The following BMS1 variants were observed in gnomAD, a reference collection of about 807,000 sequenced individuals.
BMS1 encodes the protein ribosome biogenesis protein BMS1 homolog.
Under a neutral mutation model 138.7 loss-of-function variants are expected in BMS1, and 53 were observed. That is an observed-to-expected ratio of 0.38 (90% CI 0.31 to 0.48). BMS1 has a LOEUF of 0.48. Ranked by LOEUF, BMS1 falls within the 20% of genes least tolerant of loss-of-function variation. The pLI is 0.97. For synonymous variants in BMS1, 504 were observed against 539.9 expected, an observed-to-expected ratio of 0.93 and a Z score of 0.92; for missense variants, 1,360 against 1,565.5, an observed-to-expected ratio of 0.87 and a Z score of 2.22.
At chr10:42,808,724 A>G (rs1326219293) in intron 13 of BMS1, among the ~76,000 whole-genome samples, 3 of 152,176 alleles carry the variant, frequency 2.0e-5, no homozygotes, top group Admixed American at 1.3e-4. Context: ...CTCAAGGTTT[A>G]TATTTTCGCC....
intron 3 of BMS1, among the ~76,000 whole-genome samples, chr10:42,786,344 T>C (rs1841329125): frequency 6.6e-6 from 1 of 152,218 alleles, no homozygotes; most frequent in Admixed American, 6.5e-5. Flanking sequence ...AGAATGGCAA[T>C]GTACACTCTG....
intron 9 of BMS1, among the ~76,000 whole-genome samples, chr10:42,794,707 C>T (rs183641991): frequency 1.3e-5 from 2 of 151,656 alleles, no homozygotes; most frequent in East Asian, 3.9e-4. Flanking sequence ...AGAATACTCT[C>T]CTCTAATATA....
At chr10:42,790,854 A>G (rs1157668404) in intron 5 of BMS1, among the ~76,000 whole-genome samples, 1 of 152,162 alleles carries the variant, frequency 6.6e-6, no homozygotes, top group Non-Finnish European at 1.5e-5. Context: ...TTGTCTCAAA[A>G]AAAAAAAATA....
chr10:42,825,432 A>G (rs1842610131), intron 21 of BMS1, among the ~76,000 whole-genome samples: 1 of 152,248 alleles, frequency 6.6e-6, no homozygotes, highest in Non-Finnish European at 1.5e-5. Context: ...ATCCATAAAC[A>G]TAGGATGTCT....
At chr10:42,819,699 A>C (rs1054865906) in intron 15 of BMS1, among the ~76,000 whole-genome samples, 8 of 152,220 alleles carry the variant, frequency 5.3e-5, no homozygotes, top group Non-Finnish European at 1.2e-4. Context: ...CTCCACAGTT[A>C]TCTACATTTG....
Position 42,820,616 on chromosome 10 carries a change from G to A in BMS1, c.2878G>A (p.Glu960Lys), listed in dbSNP as rs1409791902. The A allele has an allele frequency of 4.3e-6, 7 of 1,611,828 alleles. No homozygotes were observed. Among genetic ancestry groups the A allele is most frequent in the East Asian group, 2.2e-5 (1 of 44,882 alleles). Residue 960 changes from glutamate (E) to lysine (K), a missense_variant, in exon 17 of 23, where the codon GAA becomes AAA. This residue lies in a region of BMS1 where 425 missense variants were observed against 568.3 expected (regional missense o/e 0.75). Coordinates refer to ENST00000374518, the MANE Select transcript of BMS1 (RefSeq NM_014753.4). ...TCAGACCATCCCACTGTATTATATCGAAGACCACAATGGAAGACAAAGGCT... is the reference window on the plus strand; with the variant it reads ...TCAGACCATCCCACTGTATTATATCAAAGACCACAATGGAAGACAAAGGCT... ...RFQTIPLYYI[E>K]DHNGRQRLLK... is the part of the protein sequence containing the mutation.
intron 1 of BMS1, among the ~76,000 whole-genome samples, chr10:42,783,928 G>A (rs1564405442): frequency 6.6e-6 from 1 of 152,164 alleles, no homozygotes. Flanking sequence ...GTTGATACCT[G>A]GGTCTGAGCT....
chr10:42,812,601 A>G, intron 13 of BMS1, among the ~76,000 whole-genome samples: 1 of 152,276 alleles, frequency 6.6e-6, no homozygotes, highest in East Asian at 1.9e-4. Flanking sequence ...GCTGAACACG[A>G]CACCTGGCGT....
At position 42,800,929 on chromosome 10, in the gene BMS1, G is replaced by T. The variant is rs114958945; in HGVS notation, c.2248-1208G>T. ...GATATAAATGTAGTTGATGTGCCTT[G>T]TGCTCCTGCACCTGTTATCCCTTAT... On this transcript the variant is annotated intron_variant, in intron 12 of 22. Coordinates refer to ENST00000374518, the MANE Select transcript of BMS1 (RefSeq NM_014753.4). Among the ~76,000 whole-genome samples, 1,115 of 152,248 alleles carry T rather than the reference G, an allele frequency of 7.3e-3. 9 individuals carry two copies. The highest frequency in any genetic ancestry group is 0.025 in the African/African-American group (1,055 of 41,526).
chr10:42,819,520 C>T (rs1171475134), intron 15 of BMS1, among the ~76,000 whole-genome samples: 1 of 152,140 alleles, frequency 6.6e-6, no homozygotes, highest in Admixed American at 6.5e-5. Context: ...GAGGGCTGAC[C>T]GTGGAGGTTC....
chr10:42,804,522 T>C (rs1841960015), intron 13 of BMS1, among the ~76,000 whole-genome samples: 1 of 152,188 alleles, frequency 6.6e-6, no homozygotes, highest in African/African-American at 2.4e-5. Context: ...CTGTGTCTTC[T>C]TTGATGAAAT....
At chr10:42,829,173 G>A (rs1353696283) in intron 21 of BMS1, among the ~76,000 whole-genome samples, 6 of 152,212 alleles carry the variant, frequency 3.9e-5, no homozygotes, top group South Asian at 2.1e-4. Flanking sequence ...TTAGCCAGGC[G>A]TGGTGGCGGG....
At position 42,798,753 on chromosome 10, in the gene BMS1, C is replaced by T. The variant is rs113696041; in HGVS notation, c.2247+128C>T. ...TTTACAGGATTACAGGTCATTCTCC[C>T]AGATATTGTAGTGGGCGCTTCATGC... is the stretch of plus-strand genomic sequence containing the variant. On this transcript the variant is annotated intron_variant, in intron 12 of 22. Coordinates refer to ENST00000374518, the MANE Select transcript of BMS1 (RefSeq NM_014753.4). 31 of 1,334,078 alleles carry T rather than the reference C, an allele frequency of 2.3e-5. 1 individual carries two copies. The African/African-American group carries it at 2.8e-4, about 12-fold the overall frequency. 82.6% of individuals were successfully genotyped at this position (1,334,078 alleles called of 1,614,324 possible).
intron 2 of BMS1, 89 bp downstream of exon 2, chr10:42,784,659 T>G: frequency 7.0e-7 from 1 of 1,420,130 alleles, no homozygotes; most frequent in Non-Finnish European, 9.4e-7. Context: ...GATTCACGAG[T>G]CTAGTCCAGC....
At chr10:42,813,432 A>G (rs958895451) in intron 13 of BMS1, among the ~76,000 whole-genome samples, 17 of 152,004 alleles carry the variant, frequency 1.1e-4, no homozygotes, top group Non-Finnish European at 2.1e-4. Context: ...TTTGCTCTGG[A>G]TGTTACAATA....
At chr10:42,791,931 C>A (rs1442977278) in intron 6 of BMS1, among the ~76,000 whole-genome samples, 162 bp downstream of exon 6, 1 of 152,062 alleles carries the variant, frequency 6.6e-6, no homozygotes, top group Non-Finnish European at 1.5e-5. Flanking sequence ...TCAAAGATGC[C>A]GTGCCTTTGG....
intron 17 of BMS1, 32 bp from the exon 18 acceptor site, chr10:42,820,902 C>T (rs3982208): frequency 2.5e-5 from 39 of 1,585,364 alleles, no homozygotes; most frequent in Non-Finnish European, 2.8e-5. Context: ...ATTTGTGGTT[C>T]GCTATATTTC....
intron 5 of BMS1, among the ~76,000 whole-genome samples, chr10:42,791,195 GTT>G (rs1252470965): frequency 6.6e-6 from 1 of 152,228 alleles, no homozygotes; most frequent in Non-Finnish European, 1.5e-5. Flanking sequence ...AAGAGTGCTT[GTT>G]TGGGGCCTCT....
intron 1 of BMS1, among the ~76,000 whole-genome samples, chr10:42,783,561 C>CT (rs879415228): frequency 0.015 from 2,151 of 146,470 alleles, 51 homozygotes; most frequent in African/African-American, 0.049. Flanking sequence ...TCCTGCTCCG[C>CT]TTTTTTTTTT....
Sources: gnomAD v4.1 joint callset for allele counts (sites outside exome capture counted in the v4.1 genomes callset) on GRCh38, gnomAD v4.1.1 for gene constraint, gnomAD v4.1.1 regional missense constraint, MANE v1.5 for transcripts, NCBI Gene and HGNC (gene_info 2026-07-23, HGNC 2026-07-21) for gene names.